The following SEMA3C variants were observed in gnomAD, a reference collection of about 807,000 sequenced individuals.
SEMA3C encodes the protein semaphorin-3C.
Under a neutral mutation model 89.4 loss-of-function variants are expected in SEMA3C, and 47 were observed. The ratio of observed to expected loss-of-function variants is 0.53; its 90% CI spans 0.42 to 0.67. The LOEUF is 0.67. Ranked by LOEUF, SEMA3C falls within the 30% of genes least tolerant of loss-of-function variation. SEMA3C has a pLI of 0.00. For synonymous variants in SEMA3C, 310 were observed against 320.2 expected (o/e 0.97, Z 0.34); for missense variants, 839 against 929.1 (o/e 0.90, Z 1.26).
intron 2 of SEMA3C, among the ~76,000 whole-genome samples, chr7:80,906,991 C>A (rs888628185): frequency 6.6e-6 from 1 of 151,884 alleles, no homozygotes; most frequent in Non-Finnish European, 1.5e-5. Context: ...CATATAGAAC[C>A]CTTTGCTTAC....
intron 6 of SEMA3C, among the ~76,000 whole-genome samples, chr7:80,808,519 A>G (rs912200598): frequency 2.6e-5 from 4 of 152,188 alleles, no homozygotes; most frequent in Admixed American, 2.6e-4. Context: ...TCCGACTTGA[A>G]TGCCGATATT....
At chr7:80,911,907 A>G (rs1562982588) in intron 2 of SEMA3C, among the ~76,000 whole-genome samples, 1 of 152,170 alleles carries the variant, frequency 6.6e-6, no homozygotes, top group Non-Finnish European at 1.5e-5. Context: ...TGCTAGGATT[A>G]CAGGCGTGAG....
At chr7:80,902,667 C>T (rs1326086493) in intron 2 of SEMA3C, among the ~76,000 whole-genome samples, 1 of 152,206 alleles carries the variant, frequency 6.6e-6, no homozygotes, top group Non-Finnish European at 1.5e-5. Context: ...CATGATATCA[C>T]AACATCACAC....
intron 2 of SEMA3C, among the ~76,000 whole-genome samples, chr7:80,872,307 T>C (rs1316236142): frequency 6.6e-6 from 1 of 151,760 alleles, no homozygotes. Flanking sequence ...CGCACCACCG[T>C]GTCCAGCCAG....
chr7:80,863,347 A>C (rs56749577), intron 2 of SEMA3C, among the ~76,000 whole-genome samples: 2,678 of 151,970 alleles, frequency 0.018, 84 homozygotes, highest in African/African-American at 0.06. Context: ...ATTAAAAAAA[A>C]AAAAAAACAG....
In SEMA3C at chr7:80,786,619, G is replaced by A. The variant is rs73370891; in HGVS notation, c.1354+2687C>T. 9.8e-3 allele frequency among the ~76,000 whole-genome samples: 1,495 copies of A among 152,292 alleles called. 24 individuals are homozygous for A. Among genetic ancestry groups the A allele is most frequent in the African/African-American group, 0.034 (1,418 of 41,560 alleles). ...GAGCTAAGGCTAAAAGCAAATCTTT[G>A]TAGTCACTTACATGAAGGCTGTATC... On this transcript the variant is annotated intron_variant, in intron 12 of 17. Coordinates refer to ENST00000265361, the MANE Select transcript of SEMA3C (RefSeq NM_006379.5).
At chr7:80,816,400 G>C (rs1789608798) in intron 5 of SEMA3C, among the ~76,000 whole-genome samples, 1 of 152,144 alleles carries the variant, frequency 6.6e-6, no homozygotes. Context: ...AAGAGGGTCA[G>C]CAGTAAGTAT....
At chr7:80,906,261 C>A (rs947967040) in intron 2 of SEMA3C, among the ~76,000 whole-genome samples, 1 of 152,034 alleles carries the variant, frequency 6.6e-6, no homozygotes, top group Non-Finnish European at 1.5e-5. Flanking sequence ...TTCTTTTTAC[C>A]CAGAAGCAAT....
At position 80,854,462 on chromosome 7, in the gene SEMA3C, A is replaced by C. The variant is rs575515110; in HGVS notation, c.104-25717T>G. Among the ~76,000 whole-genome samples, 55 of 152,326 alleles carry C rather than the reference A, an allele frequency of 3.6e-4. No homozygotes were observed. In the South Asian group the frequency reaches 0.011, roughly 30 times the overall value. ...TCCCATTAGAAAGACGACAGTCTTA[A>C]ACTAGAACTCAGTTCTGGAGCCTCA... is the stretch of plus-strand genomic sequence containing the variant. On this transcript the variant is annotated intron_variant, in intron 2 of 17. Transcript: ENST00000265361.
At chr7:80,824,023 T>C (rs1270321527) in intron 4 of SEMA3C, among the ~76,000 whole-genome samples, 2 of 152,174 alleles carry the variant, frequency 1.3e-5, no homozygotes, top group African/African-American at 2.4e-5. Flanking sequence ...TACAGAATTA[T>C]GCTGTATTAC....
intron 14 of SEMA3C, 121 bp from the exon 15 acceptor site, chr7:80,758,609 A>G: frequency 9.8e-7 from 1 of 1,019,788 alleles, no homozygotes; most frequent in Non-Finnish European, 1.5e-6. Flanking sequence ...GATTAAAAAC[A>G]TGAAGCAAAG....
At chr7:80,801,509 A>G (rs1271970064) in intron 9 of SEMA3C, among the ~76,000 whole-genome samples, 1 of 152,144 alleles carries the variant, frequency 6.6e-6, no homozygotes, top group Admixed American at 6.5e-5. Flanking sequence ...GAAAACTCCA[A>G]TTAATAATCA....
chr7:80,870,799 A>T (rs1486974916), intron 2 of SEMA3C, among the ~76,000 whole-genome samples: 4 of 152,210 alleles, frequency 2.6e-5, no homozygotes, highest in Non-Finnish European at 5.9e-5. Flanking sequence ...AGAAAGAGAC[A>T]CTTTAAAGAA....
intron 2 of SEMA3C, among the ~76,000 whole-genome samples, chr7:80,864,206 C>T (rs1333142561): frequency 2.6e-5 from 4 of 151,570 alleles, no homozygotes; most frequent in Admixed American, 6.6e-5. Context: ...GATGCAAAGG[C>T]GTTAAGAATG....
intron 2 of SEMA3C, among the ~76,000 whole-genome samples, chr7:80,884,168 T>A (rs528797464): frequency 6.6e-6 from 1 of 152,222 alleles, no homozygotes; most frequent in Non-Finnish European, 1.5e-5. Context: ...CGATTTTATA[T>A]GCAGACAGAT....
intron 2 of SEMA3C, among the ~76,000 whole-genome samples, chr7:80,872,138 T>A (rs1791073403): frequency 6.6e-6 from 1 of 152,070 alleles, no homozygotes; most frequent in South Asian, 2.1e-4. Context: ...TTTACGTTTT[T>A]CTCAGAATCT....
chr7:80,750,556 A>C (rs1787912098), intron 16 of SEMA3C, among the ~76,000 whole-genome samples: 2 of 149,812 alleles, frequency 1.3e-5, no homozygotes, highest in East Asian at 2.0e-4. Context: ...ATTCATCCTT[A>C]AACATGAAGA....
rs924767050 is a variant in SEMA3C at position 80,864,684 on chromosome 7, A to G, written c.104-35939T>C. ...ATTAGATAAAACTCAACTTACTCCC[A>G]TAGATTCACATAGATGCAGATGATT... On this transcript the variant is annotated intron_variant, in intron 2 of 17. Transcript: ENST00000265361. Among the ~76,000 whole-genome samples, 3 of 152,292 alleles carry G rather than the reference A, an allele frequency of 2.0e-5. No homozygotes were observed. The East Asian group carries it at 5.8e-4, about 29-fold the overall frequency.
Position 80,888,441 on chromosome 7 carries a change from G to A in SEMA3C, c.103+28238C>T, listed in dbSNP as rs551476047. Among the ~76,000 whole-genome samples the A allele has an allele frequency of 6.6e-5, 10 of 152,140 alleles. No homozygotes were observed. In the East Asian group the frequency reaches 1.9e-3, roughly 29 times the overall value. On this transcript the variant is annotated intron_variant, in intron 2 of 17. Transcript: ENST00000265361. ...ATGACATCACTGCATCCCAGTCTAG[G>A]TGATGGGAGTGAGACCCTGTCTAAA...
Sources: gnomAD v4.1 joint callset for allele counts (sites outside exome capture counted in the v4.1 genomes callset) on GRCh38, gnomAD v4.1.1 for gene constraint, MANE v1.5 for transcripts, NCBI Gene and HGNC (gene_info 2026-07-23, HGNC 2026-07-21) for gene names.